GOLGB1: variants seen among roughly 807,000 people sequenced by gnomAD.
The protein encoded by GOLGB1 is golgin B1.
A neutral mutation model predicts 336.9 loss-of-function variants in GOLGB1; 174 were observed. The ratio of observed to expected loss-of-function variants is 0.52; its 90% CI spans 0.46 to 0.59. GOLGB1 has a LOEUF of 0.59. Among genes scored for constraint, GOLGB1 ranks in the 20% least tolerant of loss-of-function variants. GOLGB1 has a pLI of 0.00. For synonymous variants in GOLGB1, 1,208 were observed against 1,289.2 expected, an observed-to-expected ratio of 0.94 and a Z score of 1.35; for missense variants, 3,331 against 3,645.3, an observed-to-expected ratio of 0.91 and a Z score of 2.22.
intron 1 of GOLGB1, among the ~76,000 whole-genome samples, chr3:121,733,929 TG>T (rs1946296283): frequency 6.6e-6 from 1 of 152,208 alleles, no homozygotes; most frequent in African/African-American, 2.4e-5. Context: ...AAACTTAAAT[TG>T]TAAAGGTTTT....
intron 17 of GOLGB1, among the ~76,000 whole-genome samples, chr3:121,673,484 G>A: frequency 6.6e-6 from 1 of 152,104 alleles, no homozygotes; most frequent in East Asian, 1.9e-4. Flanking sequence ...TTTTGATAGG[G>A]ATTGCATTTA....
rs776808010 is a variant in GOLGB1 at position 121,693,832 on chromosome 3, TTTC to T, written c.6688_6690del (p.Glu2230del). On this transcript the variant is annotated inframe_deletion, in exon 13 of 22. Coordinates refer to ENST00000614479, the MANE Select transcript of GOLGB1 (RefSeq NM_001366282.2). ...CTGCAATTATCTTCTTTGAGTCTAA[TTTC>T]TTCTTCTTTGCTTTGAATCGCATCA... 6.8e-6 allele frequency: 11 copies of T among 1,612,666 alleles called. No homozygotes were observed. The African/African-American group carries it at 9.3e-5, about 14-fold the overall frequency.
rs761916995 is a variant in GOLGB1, at chr3:121,693,881, CT to C, written c.6641del (p.Lys2214ArgfsTer28). The C allele has an allele frequency of 1.9e-6, 3 of 1,614,116 alleles. No individual in the cohort carries two copies. The highest frequency in any genetic ancestry group is 2.5e-6 in the Non-Finnish European group (3 of 1,179,954). The part of the protein sequence containing the change: ...DDRDRVIDEA[K>X]KWERKFSDAI... ...CATCACTAAACTTCCTCTCCCATTTCTTAGCTTCATCTATCACCCTGTCACG... is the reference window on the plus strand; with the variant it reads ...CATCACTAAACTTCCTCTCCCATTTCTAGCTTCATCTATCACCCTGTCACG... On this transcript the variant is annotated frameshift_variant, in exon 13 of 22. Coordinates refer to ENST00000614479, the MANE Select transcript of GOLGB1 (RefSeq NM_001366282.2). LOFTEE classifies it high-confidence loss of function.
At chr3:121,742,153 A>G (rs1033457544) in intron 1 of GOLGB1, among the ~76,000 whole-genome samples, 11 of 152,188 alleles carry the variant, frequency 7.2e-5, no homozygotes, top group African/African-American at 2.7e-4. Flanking sequence ...GAGCCTGCAT[A>G]GCCAAGACAA....
At position 121,695,060 on chromosome 3, in the gene GOLGB1, T is replaced by C; in HGVS notation, c.5463A>G (p.Pro1821=). The C allele has an allele frequency of 6.2e-7, 1 of 1,614,136 alleles. No homozygotes were observed. The highest frequency in any genetic ancestry group is 1.7e-5 in the Admixed American group (1 of 60,016). ...CAGCAGGGTTGGCACTCTTCGCTGA[T>C]GGAACCGATTCTGAACATGTAGGTC... ...STRPTCSESV[P]SAKSANPAVS... The change falls in exon 13 of 22, where the codon CCA becomes CCG. Residue 1821 remains proline, a synonymous_variant. Transcript: ENST00000614479.
chr3:121,681,675 T>C lies in GOLGB1; in HGVS notation c.8873+12A>G, dbSNP rs1247410223. The stretch of plus-strand genomic sequence containing the variant: ...ATGAAAAGAGTTGAAAAGGAGGGAT[T>C]ATATATAGTACCTGAGCTGATGCAG... On this transcript the variant is annotated intron_variant, in intron 15 of 21. Transcript: ENST00000614479. The C allele has an allele frequency of 6.5e-7, 1 of 1,535,390 alleles. No individual in the cohort carries two copies. Among genetic ancestry groups the C allele is most frequent in the Middle Eastern group, 1.7e-4 (1 of 5,808 alleles).
At chr3:121,686,680 C>T (rs1045522558) in intron 14 of GOLGB1, among the ~76,000 whole-genome samples, 15 of 151,922 alleles carry the variant, frequency 9.9e-5, no homozygotes, top group Admixed American at 2.0e-4. Context: ...CACACACACA[C>T]ACAATAAGGC....
rs768368089 is a variant in GOLGB1 at position 121,698,118 on chromosome 3, T to A, written c.2405A>T (p.Gln802Leu). The A allele has an allele frequency of 6.2e-7, 1 of 1,613,956 alleles. No individual in the cohort carries two copies. Among genetic ancestry groups the A allele is most frequent in the South Asian group, 1.1e-5 (1 of 91,082 alleles). ...GGCTTCTATGCTGAGACTATGGATC[T>A]GTTCAGTGAGCAGGTTGTCATGGGC... ...QTAHDNLLTEQIHSLSIEAKS... is the reference protein window; with the variant it reads ...QTAHDNLLTELIHSLSIEAKS... Residue 802 changes from glutamine (Q) to leucine (L), a missense_variant, in exon 13 of 22, where the codon CAG becomes CTG. Coordinates refer to ENST00000614479, the MANE Select transcript of GOLGB1 (RefSeq NM_001366282.2).
intron 1 of GOLGB1, among the ~76,000 whole-genome samples, chr3:121,740,983 C>A: frequency 6.7e-6 from 1 of 149,308 alleles, no homozygotes; most frequent in Non-Finnish European, 1.5e-5. Flanking sequence ...ATCATATGAC[C>A]AGTAAGATAA....
At position 121,667,456 on chromosome 3, in the gene GOLGB1, C is replaced by T. The variant is rs1293231460; in HGVS notation, c.9554+20G>A. 2 of 1,611,338 alleles carry T rather than the reference C, an allele frequency of 1.2e-6. No individual in the cohort carries two copies. Among genetic ancestry groups the T allele is most frequent in the African/African-American group, 1.3e-5 (1 of 74,844 alleles). On this transcript the variant is annotated intron_variant, in intron 20 of 21. Coordinates refer to ENST00000614479, the MANE Select transcript of GOLGB1 (RefSeq NM_001366282.2). Reference sequence around the variant, plus strand: ...AGAAAGGATCGGAAGGGAACAGAGGCTATCTCCTTCAGCCTTTACCGTCTG... The same window carrying T: ...AGAAAGGATCGGAAGGGAACAGAGGTTATCTCCTTCAGCCTTTACCGTCTG...
rs764578556 is a variant in GOLGB1 at position 121,691,194 on chromosome 3, A to G, written c.8170T>C (p.Leu2724=). The G allele has an allele frequency of 2.5e-5, 40 of 1,613,402 alleles. No homozygotes were observed. In the Admixed American group the frequency reaches 6.7e-4, roughly 27 times the overall value. The stretch of plus-strand genomic sequence containing the variant: ...TTATTTTCTTTGGTGACCATGAGTA[A>G]TTTCTGTTCCATCTCCACCAAATCT... ...ARDLVEMEQK[L]LMVTKENKGL... The change falls in exon 14 of 22, where the codon TTA becomes CTA. Residue 2724 remains leucine, a synonymous_variant. Transcript: ENST00000614479.
Position 121,716,876 on chromosome 3 carries a change from G to A in GOLGB1, c.1149C>T (p.Thr383=), listed in dbSNP as rs1176516448. 2 of 1,613,944 alleles carry A rather than the reference G, an allele frequency of 1.2e-6. No homozygotes were observed. The highest frequency in any genetic ancestry group is 1.7e-6 in the Non-Finnish European group (2 of 1,179,860). The change falls in exon 9 of 22, where the codon ACC becomes ACT. Residue 383 remains threonine, a synonymous_variant. Coordinates refer to ENST00000614479, the MANE Select transcript of GOLGB1 (RefSeq NM_001366282.2). ...QKHKAEMEEK[T]SHILSLQKTG... ...TCTTTTGAAGACTCAAAATATGAGAGGTCTTCTCTTCCATTTCTGCTTTGT... is the reference window on the plus strand; with the variant it reads ...TCTTTTGAAGACTCAAAATATGAGAAGTCTTCTCTTCCATTTCTGCTTTGT...
At position 121,694,866 on chromosome 3, in the gene GOLGB1, T is replaced by G. The variant is rs760624768; in HGVS notation, c.5657A>C (p.Asp1886Ala). Residue 1886 changes from aspartate (D) to alanine (A), a missense_variant, in exon 13 of 22, where the codon GAT (aspartate) becomes GCT (alanine). Coordinates refer to ENST00000614479, the MANE Select transcript of GOLGB1 (RefSeq NM_001366282.2). The stretch of plus-strand genomic sequence containing the variant: ...CTCCTGAAGCATTTTTAGTTCACCA[T>G]CCTTTGTTGATATCTGACTCAGTAA... ...NTLLSQISTKDGELKMLQEEV... is the reference protein window; with the variant it reads ...NTLLSQISTKAGELKMLQEEV... 1 of 1,613,774 alleles carries G rather than the reference T, an allele frequency of 6.2e-7. No individual in the cohort carries two copies. Among genetic ancestry groups the G allele is most frequent in the African/African-American group, 1.3e-5 (1 of 74,918 alleles).
chr3:121,664,434 GA>G lies in GOLGB1; in HGVS notation c.*45del. On this transcript the variant is annotated 3_prime_UTR_variant, in exon 22 of 22. Coordinates refer to ENST00000614479, the MANE Select transcript of GOLGB1 (RefSeq NM_001366282.2). Reference sequence around the variant, plus strand: ...TGATGTTCTGATGTTAGAGGTGAGAGAATTCCAAGTTTTGAGGGGAGTGGTC... The same window carrying G: ...TGATGTTCTGATGTTAGAGGTGAGAGATTCCAAGTTTTGAGGGGAGTGGTC... The G allele has an allele frequency of 6.5e-7, 1 of 1,539,782 alleles. No individual in the cohort carries two copies. The highest frequency in any genetic ancestry group is 9.0e-7 in the Non-Finnish European group (1 of 1,112,610).
At chr3:121,689,193 T>C (rs921720603) in intron 14 of GOLGB1, among the ~76,000 whole-genome samples, 25 of 151,798 alleles carry the variant, frequency 1.6e-4, no homozygotes, top group Non-Finnish European at 3.2e-4. Context: ...ACAATGGCGG[T>C]TTTGTGGAAT....
intron 1 of GOLGB1, among the ~76,000 whole-genome samples, chr3:121,734,364 T>C (rs1946335231): frequency 8.0e-6 from 1 of 125,094 alleles, no homozygotes; most frequent in Non-Finnish European, 1.6e-5. Flanking sequence ...CACTCCAGTC[T>C]AGGCAACAGA....
intron 20 of GOLGB1, among the ~76,000 whole-genome samples, chr3:121,665,441 T>G (rs1484356111): frequency 6.6e-6 from 1 of 152,222 alleles, no homozygotes; most frequent in Non-Finnish European, 1.5e-5. Context: ...ACGTTCTTTT[T>G]TCCACCACAC....
Position 121,730,853 on chromosome 3 carries a change from T to C in GOLGB1, c.96+23A>G, listed in dbSNP as rs774123992. 2.4e-5 allele frequency: 39 copies of C among 1,596,228 alleles called. No homozygotes were observed. The South Asian group carries it at 2.6e-4, about 11-fold the overall frequency. On this transcript the variant is annotated intron_variant, in intron 2 of 21. Transcript: ENST00000614479. ...ACACAGAACATATGTCTTACCAGTT[T>C]AAATCAGAACAGAACTACTCACAGG...
In GOLGB1 at chr3:121,702,505, G is replaced by A. The variant is rs1412182270; in HGVS notation, c.1495C>T (p.Leu499=). The A allele has an allele frequency of 1.3e-6, 2 of 1,501,052 alleles. No homozygotes were observed. Among genetic ancestry groups the A allele is most frequent in the Non-Finnish European group, 1.8e-6 (2 of 1,121,790 alleles). The allele number at this position is 1,501,052 out of a possible 1,614,324, so 93.0% of individuals were successfully genotyped here. The change falls in exon 11 of 22, where the codon CTG becomes TTG. Residue 499 remains leucine, a synonymous_variant. Coordinates refer to ENST00000614479, the MANE Select transcript of GOLGB1 (RefSeq NM_001366282.2). ...KGALLLSSIE[L]EELKAENEKL... is the part of the protein sequence containing the mutation. ...CCATTCTCAGCTTTCAGCTCCTCCA[G>A]CTCTATAGAACTAAGGAGCAAGGCT... is the stretch of plus-strand genomic sequence containing the variant.
Sources: allele counts gnomAD v4.1 joint callset (sites outside exome capture counted in the v4.1 genomes callset), GRCh38; gene constraint gnomAD v4.1.1; transcripts MANE v1.5; gene names NCBI Gene and HGNC (gene_info 2026-07-23, HGNC 2026-07-21).